The following PTPRU variants were observed in gnomAD, a reference collection of about 807,000 sequenced individuals.
PTPRU encodes protein tyrosine phosphatase receptor type U.
In PTPRU, 69 loss-of-function variants were observed where a neutral mutation model predicts 166.3. The observed-to-expected ratio is 0.41, with a 90% CI of 0.34 to 0.51. The LOEUF is 0.51. Ranked by LOEUF, PTPRU falls within the 20% of genes least tolerant of loss-of-function variation. PTPRU has a pLI of 0.09. For missense variants in PTPRU, 1,657 were observed against 2,013.7 expected (o/e 0.82, Z 3.39); for synonymous variants, 793 against 814.0 (o/e 0.97, Z 0.44).
Position 29,317,074 on chromosome 1 carries a change from TG to T in PTPRU, c.3514-673del, listed in dbSNP as rs1489182064. On this transcript the variant is annotated intron_variant, in intron 24 of 29. Transcript: ENST00000373779. This position sits in a 1 kb window ranked among gnomAD's most constrained non-coding sequence, Gnocchi z 5.6. ...GAGGTGCAGGGTTCCCGGAGGAGGG[TG>T]TCAGGCTTTGGGGATCATGATAGAC... is the stretch of plus-strand genomic sequence containing the variant. Among the ~76,000 whole-genome samples, 1 of 151,498 alleles carries T rather than the reference TG, an allele frequency of 6.6e-6. No individual in the cohort carries two copies. The highest frequency in any genetic ancestry group is 2.4e-5 in the African/African-American group (1 of 41,188).
chr1:29,237,926 G>A lies in PTPRU; in HGVS notation c.73+1209G>A, dbSNP rs1239921761. 4.0e-5 allele frequency among the ~76,000 whole-genome samples: 6 copies of A among 149,600 alleles called. No individual in the cohort carries two copies. The East Asian group carries it at 5.9e-4, about 15-fold the overall frequency. On this transcript the variant is annotated intron_variant, in intron 1 of 29. Transcript: ENST00000373779. The surrounding 1 kb of genome is among the most constrained non-coding windows in gnomAD (Gnocchi z 6.4). ...GGCTGCGACGTCCGGGCGCGGGCAG[G>A]GCCTGGCTCGCCGCCGGGGGACGGC...
chr1:29,292,083 C>A lies in PTPRU; in HGVS notation c.2476+57C>A, dbSNP rs142687138. ...TGGCTCTGGGGCTCCCAACCTGAGA[C>A]AATAGGGTCCCCACATCAGGTGAGT... is the stretch of plus-strand genomic sequence containing the variant. On this transcript the variant is annotated intron_variant, in intron 15 of 29. Transcript: ENST00000373779. The A allele has an allele frequency of 4.4e-6, 7 of 1,592,458 alleles. No homozygotes were observed. The East Asian group carries it at 1.3e-4, about 31-fold the overall frequency.
At chr1:29,255,689 C>T (rs1574615214) in intron 2 of PTPRU, among the ~76,000 whole-genome samples, 1 of 152,172 alleles carries the variant, frequency 6.6e-6, no homozygotes, top group East Asian at 1.9e-4. Context: ...CAAACCACTC[C>T]CACTCTCAGT....
intron 15 of PTPRU, among the ~76,000 whole-genome samples, chr1:29,303,315 A>C (rs1019604980): frequency 1.3e-5 from 2 of 152,200 alleles, no homozygotes; most frequent in Non-Finnish European, 2.9e-5. Flanking sequence ...CCACTCCCCC[A>C]CTGGCTGCGG....
chr1:29,281,104 G>A (rs1455766401), intron 11 of PTPRU, among the ~76,000 whole-genome samples: 10 of 152,070 alleles, frequency 6.6e-5, no homozygotes, highest in African/African-American at 9.7e-5. Context: ...GGGAGAGGGT[G>A]ACAGCCTTTA....
intron 18 of PTPRU, 37 bp downstream of exon 18, chr1:29,305,465 C>T (rs777963010): frequency 7.6e-6 from 12 of 1,584,392 alleles, no homozygotes; most frequent in South Asian, 3.3e-5. Flanking sequence ...CAGACCTGGC[C>T]CTGCCCGCTC....
At chr1:29,248,983 C>T (rs987856878) in intron 1 of PTPRU, among the ~76,000 whole-genome samples, 10 of 152,216 alleles carry the variant, frequency 6.6e-5, no homozygotes, top group Admixed American at 5.9e-4. Context: ...GCGGTCCCCA[C>T]TCTCATTTTA....
rs536001916 is a variant in PTPRU at position 29,289,841 on chromosome 1, G to C, written c.2319-2028G>C. On this transcript the variant is annotated intron_variant, in intron 14 of 29. Transcript: ENST00000373779. The stretch of plus-strand genomic sequence containing the variant: ...CCTGGTGTCCACCCGGTTCTCTCTG[G>C]TCACCTCGGCCTCTGACTTTCTTTC... 3.8e-6 allele frequency: 4 copies of C among 1,049,486 alleles called. No homozygotes were observed. In the African/African-American group the frequency reaches 4.7e-5, roughly 12 times the overall value. The allele number at this position is 1,049,486 out of a possible 1,614,324, so 65.0% of individuals were successfully genotyped here.
chr1:29,244,714 C>T (rs1185311268), intron 1 of PTPRU, among the ~76,000 whole-genome samples: 1 of 152,052 alleles, frequency 6.6e-6, no homozygotes, highest in Non-Finnish European at 1.5e-5. Flanking sequence ...CCTCTCTGGG[C>T]CCTTAGAGTT....
At position 29,292,033 on chromosome 1, in the gene PTPRU, G is replaced by T; in HGVS notation, c.2476+7G>T. Reference sequence around the variant, plus strand: ...CATGGCTACAGCACCCGGGGTGAGTGCCCGGCCCTCCTACCCCTTCTTCAT... The same window carrying T: ...CATGGCTACAGCACCCGGGGTGAGTTCCCGGCCCTCCTACCCCTTCTTCAT... On this transcript the variant is annotated splice_region_variant and intron_variant, in intron 15 of 29. Coordinates refer to ENST00000373779, the MANE Select transcript of PTPRU (RefSeq NM_133178.4). 6.2e-7 allele frequency: 1 copy of T among 1,613,824 alleles called. No homozygotes were observed. The highest frequency in any genetic ancestry group is 8.5e-7 in the Non-Finnish European group (1 of 1,179,876).
intron 1 of PTPRU, among the ~76,000 whole-genome samples, chr1:29,246,375 C>T (rs1684299019): frequency 6.6e-6 from 1 of 152,264 alleles, no homozygotes; most frequent in Non-Finnish European, 1.5e-5. Flanking sequence ...CCACGTTGCA[C>T]ATGACTCAGG....
At chr1:29,324,322 G>A (rs1299261133) in intron 28 of PTPRU, among the ~76,000 whole-genome samples, 1 of 152,188 alleles carries the variant, frequency 6.6e-6, no homozygotes, top group African/African-American at 2.4e-5. Context: ...AAGCTGGTGC[G>A]GAGCTGAGTC....
Position 29,283,928 on chromosome 1 carries a change from C to G in PTPRU, c.2143-12C>G. ...GCTTCAGCAACGCTGAGACCCCCAT[C>G]TGTGCCTCCAGGAGACCCGGCTGAA... On this transcript the variant is annotated splice_polypyrimidine_tract_variant and intron_variant, in intron 12 of 29. Coordinates refer to ENST00000373779, the MANE Select transcript of PTPRU (RefSeq NM_133178.4). The G allele has an allele frequency of 1.2e-6, 2 of 1,614,046 alleles. No individual in the cohort carries two copies. The highest frequency in any genetic ancestry group is 1.7e-6 in the Non-Finnish European group (2 of 1,180,014).
intron 25 of PTPRU, among the ~76,000 whole-genome samples, chr1:29,318,663 C>T (rs1025811966): frequency 5.3e-5 from 8 of 152,202 alleles, no homozygotes; most frequent in East Asian, 1.9e-4. Flanking sequence ...GTTGGTGGGC[C>T]GCTCCTTCAC....
At chr1:29,303,092 T>A (rs1325402838) in intron 15 of PTPRU, among the ~76,000 whole-genome samples, 1 of 152,204 alleles carries the variant, frequency 6.6e-6, no homozygotes, top group Admixed American at 6.5e-5. Flanking sequence ...AATGCATCCC[T>A]GTTGTTAAGC....
Position 29,278,894 on chromosome 1 carries a change from G to A in PTPRU, c.1454-118G>A, listed in dbSNP as rs990370968. 21 of 724,880 alleles carry A rather than the reference G, an allele frequency of 2.9e-5. No homozygotes were observed. The African/African-American group carries it at 3.0e-4, about 10-fold the overall frequency. The allele number at this position is 724,880 out of a possible 1,614,324, so 44.9% of individuals were successfully genotyped here. A position where few individuals can be genotyped will look rare whatever the true frequency, so the allele number is the denominator to read the frequency against. Reference sequence around the variant, plus strand: ...ACTTCACAGCTGAGTTAAGTAAGGTGCAGAGAGGCTGAATAGTCCATGAGA... The same window carrying A: ...ACTTCACAGCTGAGTTAAGTAAGGTACAGAGAGGCTGAATAGTCCATGAGA... On this transcript the variant is annotated intron_variant, in intron 8 of 29. Transcript: ENST00000373779.
chr1:29,309,096 A>C (rs1381405180), intron 18 of PTPRU, among the ~76,000 whole-genome samples: 1 of 152,102 alleles, frequency 6.6e-6, no homozygotes, highest in African/African-American at 2.4e-5. Flanking sequence ...TGTTTTGGTC[A>C]TTTTCGTGGG....
chr1:29,309,622 A>G (rs947932282), intron 18 of PTPRU, among the ~76,000 whole-genome samples: 2 of 152,248 alleles, frequency 1.3e-5, no homozygotes, highest in Non-Finnish European at 2.9e-5. Context: ...TTAACATACT[A>G]CTTTATTTGC....
chr1:29,284,677 GCTCGATGGTCC>G (rs1263370263), intron 13 of PTPRU, 43 bp from the exon 14 acceptor site: 1 of 1,613,262 alleles, frequency 6.2e-7, no homozygotes, highest in African/African-American at 1.3e-5. Context: ...TACAGGAGGG[GCTCGATGGTCC>G]CTGTCTTTCC....
Sources: gnomAD v4.1 joint callset for allele counts (sites outside exome capture counted in the v4.1 genomes callset) on GRCh38, gnomAD v4.1.1 for gene constraint, Gnocchi (gnomAD v3.1) non-coding constraint, MANE v1.5 for transcripts, NCBI Gene and HGNC (gene_info 2026-07-23, HGNC 2026-07-21) for gene names.